The following PRKAA2 variants were observed in gnomAD, a reference collection of about 807,000 sequenced individuals.
PRKAA2 encodes the protein protein kinase AMP-activated catalytic subunit alpha 2, also known as 5'-AMP-activated protein kinase catalytic subunit alpha-2.
In PRKAA2, 40 loss-of-function variants were observed where a neutral mutation model predicts 56.3. That is an observed-to-expected ratio of 0.71 (90% CI 0.55 to 0.92). PRKAA2 has a LOEUF of 0.92. PRKAA2 is among the 40% of genes least tolerant of loss of function. PRKAA2 has a pLI of 0.00. For missense variants in PRKAA2, 542 were observed against 686.9 expected (o/e 0.79, Z 2.36); for synonymous variants, 214 against 234.2 (o/e 0.91, Z 0.79).
chr1:56,655,039 CAAG>C (rs1197547490), intron 1 of PRKAA2, among the ~76,000 whole-genome samples: 4 of 151,162 alleles, frequency 2.6e-5, no homozygotes, highest in Non-Finnish European at 5.9e-5. Flanking sequence ...ACTATTAAAA[CAAG>C]AACAGTGTGT....
chr1:56,681,826 C>T (rs1395288399), intron 2 of PRKAA2, among the ~76,000 whole-genome samples: 2 of 152,134 alleles, frequency 1.3e-5, no homozygotes, highest in Non-Finnish European at 1.5e-5. Context: ...TTAGGCTTGT[C>T]TTGGCAATGT....
chr1:56,681,183 C>G (rs185804950), intron 2 of PRKAA2, among the ~76,000 whole-genome samples: 3 of 152,138 alleles, frequency 2.0e-5, no homozygotes, highest in African/African-American at 7.2e-5. Context: ...TCATATCCTT[C>G]GCCCACTTTT....
At chr1:56,686,104 A>C (rs1644189152) in intron 2 of PRKAA2, among the ~76,000 whole-genome samples, 1 of 152,204 alleles carries the variant, frequency 6.6e-6, no homozygotes. Flanking sequence ...TAATTACCTT[A>C]GACTCTAGAA....
intron 1 of PRKAA2, among the ~76,000 whole-genome samples, chr1:56,660,971 T>C (rs1290363983): frequency 6.6e-6 from 1 of 152,100 alleles, no homozygotes; most frequent in Non-Finnish European, 1.5e-5. Context: ...TTGTTTTGTT[T>C]CACCACGGGC....
rs1395710990 is a variant in PRKAA2, at chr1:56,692,513, C to T, written c.475+11C>T. 2 of 1,612,280 alleles carry T rather than the reference C, an allele frequency of 1.2e-6. No homozygotes were observed. Among genetic ancestry groups the T allele is most frequent in the Non-Finnish European group, 1.7e-6 (2 of 1,179,314 alleles). On this transcript the variant is annotated intron_variant, in intron 4 of 8. Coordinates refer to ENST00000371244, the MANE Select transcript of PRKAA2 (RefSeq NM_006252.4). ...AGATAGCCGATTTCGGTATGTAACT[C>T]CAGGGTTGTTCAGAAAGGTACTAGC...
At chr1:56,675,892 A>C (rs1039291509) in intron 2 of PRKAA2, among the ~76,000 whole-genome samples, 1 of 152,186 alleles carries the variant, frequency 6.6e-6, no homozygotes, top group African/African-American at 2.4e-5. Context: ...ATCAAATACT[A>C]AATTTATATT....
chr1:56,655,259 T>TA (rs1254568272), intron 1 of PRKAA2, among the ~76,000 whole-genome samples: 2 of 6,938 alleles, frequency 2.9e-4, no homozygotes, highest in Non-Finnish European at 5.4e-4. Flanking sequence ...AATGTATGTA[T>TA]TTATATATCT....
intron 1 of PRKAA2, 53 bp downstream of exon 1, chr1:56,645,534 C>G: frequency 1.4e-6 from 2 of 1,411,114 alleles, no homozygotes; most frequent in South Asian, 1.3e-5. Flanking sequence ...TGCGGGAGGC[C>G]GAGGGGAGAG....
chr1:56,666,705 T>A (rs1448797219), intron 1 of PRKAA2, among the ~76,000 whole-genome samples: 1 of 152,140 alleles, frequency 6.6e-6, no homozygotes, highest in Non-Finnish European at 1.5e-5. Context: ...AGTATAACAT[T>A]TGAGGTGAGG....
At position 56,706,092 on chromosome 1, in the gene PRKAA2, G is replaced by A. The variant is rs1644329903; in HGVS notation, c.1294G>A (p.Val432Ile). The change falls in exon 8 of 9, where the codon GTA becomes ATA. Residue 432 changes from valine to isoleucine, a missense_variant and splice_region_variant. Val to Ile is a conservative substitution (Grantham distance 29). This residue lies in a region of PRKAA2 where 158 missense variants were observed against 166.1 expected (regional missense o/e 0.95). Transcript: ENST00000371244. ...AMKQLDFEWK[V>I]VNAYHLRVRR... The stretch of plus-strand genomic sequence containing the variant: ...TATTTTTATTGATTTTTCACTTTAG[G>A]TAGTGAATGCATACCATCTTCGTGT... 1 of 1,603,826 alleles carries A rather than the reference G, an allele frequency of 6.2e-7. No homozygotes were observed. The highest frequency in any genetic ancestry group is 8.5e-7 in the Non-Finnish European group (1 of 1,173,544).
intron 2 of PRKAA2, among the ~76,000 whole-genome samples, chr1:56,682,646 A>AT (rs1373409261): frequency 3.3e-5 from 5 of 152,134 alleles, no homozygotes; most frequent in African/African-American, 1.2e-4. Context: ...AGAGTTGGAG[A>AT]AGTAACATGA....
At chr1:56,683,184 G>A (rs1644167803) in intron 2 of PRKAA2, among the ~76,000 whole-genome samples, 1 of 144,352 alleles carries the variant, frequency 6.9e-6, no homozygotes, top group East Asian at 2.1e-4. Context: ...GGAAAGAATG[G>A]AAAAGAAACA....
intron 2 of PRKAA2, 34 bp downstream of exon 2, chr1:56,674,556 A>T (rs1338319119): frequency 1.5e-6 from 2 of 1,366,244 alleles, no homozygotes; most frequent in Admixed American, 2.7e-5. Context: ...TACCAAAGAG[A>T]CACCTATCTT....
intron 6 of PRKAA2, 36 bp from the exon 7 acceptor site, chr1:56,703,935 A>G (rs1309962997): frequency 6.4e-7 from 1 of 1,550,774 alleles, no homozygotes; most frequent in African/African-American, 1.4e-5. Context: ...TTGCCAAACC[A>G]TGTCTTACAA....
chr1:56,655,680 A>C (rs988078022), intron 1 of PRKAA2, among the ~76,000 whole-genome samples: 1 of 152,108 alleles, frequency 6.6e-6, no homozygotes, highest in Admixed American at 6.6e-5. Context: ...GGATAGGACA[A>C]ATATCCAGAC....
chr1:56,703,687 G>T (rs1047496150), intron 6 of PRKAA2, among the ~76,000 whole-genome samples: 1 of 152,172 alleles, frequency 6.6e-6, no homozygotes, highest in Non-Finnish European at 1.5e-5. Context: ...TTGAAAGCTT[G>T]AATTTTATCA....
intron 2 of PRKAA2, among the ~76,000 whole-genome samples, chr1:56,677,782 A>G (rs140840191): frequency 0.061 from 9,201 of 151,890 alleles, 475 homozygotes; most frequent in African/African-American, 0.14. Context: ...TCAGCCTTCC[A>G]AGTAGCTGAG....
At chr1:56,678,140 G>T (rs746855524) in intron 2 of PRKAA2, among the ~76,000 whole-genome samples, 72 of 152,230 alleles carry the variant, frequency 4.7e-4, no homozygotes, top group Non-Finnish European at 8.5e-4. Context: ...AGGTGAATTT[G>T]CAGTTTAAAA....
chr1:56,662,061 A>G (rs999213772), intron 1 of PRKAA2, among the ~76,000 whole-genome samples: 9 of 152,162 alleles, frequency 5.9e-5, no homozygotes, highest in African/African-American at 2.2e-4. Flanking sequence ...TATATCCTTG[A>G]TAAGTATCTT....
Sources: allele counts gnomAD v4.1 joint callset (sites outside exome capture counted in the v4.1 genomes callset), GRCh38; gene constraint gnomAD v4.1.1; regional missense constraint gnomAD v4.1.1; transcripts MANE v1.5; gene names NCBI Gene and HGNC (gene_info 2026-07-23, HGNC 2026-07-21).